CSMD3: variants seen among roughly 807,000 people sequenced by gnomAD.
The protein encoded by CSMD3 is CUB and Sushi multiple domains 3, also known as CUB and sushi domain-containing protein 3.
CSMD3 carries 177 observed loss-of-function variants against 435.2 expected under a neutral mutation model. The observed-to-expected ratio is 0.41, with a 90% confidence interval of 0.36 to 0.46. The LOEUF is 0.46. Among genes scored for constraint, CSMD3 ranks in the 20% least tolerant of loss-of-function variants. The pLI is 0.34. For missense variants in CSMD3, 4,265 were observed against 4,504.6 expected (o/e 0.95, Z 1.52); for synonymous variants, 1,656 against 1,520.5 (o/e 1.09, Z -2.07).
intron 1 of CSMD3, among the ~76,000 whole-genome samples, chr8:113,406,033 G>C (rs1380670936): frequency 6.6e-6 from 1 of 151,754 alleles, no homozygotes; most frequent in Non-Finnish European, 1.5e-5. Context: ...AAATCATAAG[G>C]ATAAGAGGTG....
At chr8:112,941,256 T>C (rs528315362) in intron 9 of CSMD3, among the ~76,000 whole-genome samples, 4 of 152,006 alleles carry the variant, frequency 2.6e-5, no homozygotes, top group African/African-American at 9.6e-5. Flanking sequence ...AAGCCAACTA[T>C]GTGGGACAAT....
chr8:112,287,308 A>T, intron 57 of CSMD3, 62 bp from the exon 58 acceptor site: 1 of 1,517,018 alleles, frequency 6.6e-7, no homozygotes, highest in Non-Finnish European at 9.2e-7. Flanking sequence ...TTTACCAGTT[A>T]GTCCAAGGGC....
At chr8:113,381,518 A>C (rs1389664660) in intron 1 of CSMD3, among the ~76,000 whole-genome samples, 3 of 151,268 alleles carry the variant, frequency 2.0e-5, no homozygotes, top group African/African-American at 4.9e-5. Flanking sequence ...CATTAGAATA[A>C]ATCTACCTCT....
At chr8:112,650,957 G>C (rs2075111728) in intron 18 of CSMD3, among the ~76,000 whole-genome samples, 1 of 128,652 alleles carries the variant, frequency 7.8e-6, no homozygotes, top group Non-Finnish European at 1.7e-5. Context: ...CTCAACCTCG[G>C]CACTGTTGAC....
intron 13 of CSMD3, among the ~76,000 whole-genome samples, chr8:112,693,717 T>C (rs1248410095): frequency 6.6e-6 from 1 of 151,982 alleles, no homozygotes; most frequent in Non-Finnish European, 1.5e-5. Context: ...TTGTTACCAT[T>C]ATTTCCTTTA....
At position 112,484,746 on chromosome 8, in the gene CSMD3, A is replaced by G. The variant is rs1437726373; in HGVS notation, c.5278+7743T>C. On this transcript the variant is annotated intron_variant, in intron 31 of 70. Coordinates refer to ENST00000297405, the MANE Select transcript of CSMD3 (RefSeq NM_198123.2). ...AAACGCAAAATCCAAAATGCTCCAA[A>G]ATCTGAAATTTTTGAGCACCAACAT... Among the ~76,000 whole-genome samples, 4 of 152,098 alleles carry G rather than the reference A, an allele frequency of 2.6e-5. No individual in the cohort carries two copies. The East Asian group carries it at 5.8e-4, about 22-fold the overall frequency.
At chr8:113,379,657 C>A (rs2094406476) in intron 1 of CSMD3, among the ~76,000 whole-genome samples, 1 of 152,128 alleles carries the variant, frequency 6.6e-6, no homozygotes, top group Admixed American at 6.5e-5. Flanking sequence ...TTCAGCTTCT[C>A]CAGCCCCCTT....
At chr8:113,299,075 A>C (rs571218413) in intron 2 of CSMD3, among the ~76,000 whole-genome samples, 1 of 152,330 alleles carries the variant, frequency 6.6e-6, no homozygotes, top group South Asian at 2.1e-4. Context: ...GCATTGAGCC[A>C]ATCAGTGCTG....
At chr8:112,734,962 T>A (rs1435660031) in intron 13 of CSMD3, among the ~76,000 whole-genome samples, 1 of 151,986 alleles carries the variant, frequency 6.6e-6, no homozygotes, top group East Asian at 1.9e-4. Flanking sequence ...TTTGTAACAA[T>A]AGAAAGACGT....
chr8:113,176,963 C>G (rs1000688757), intron 3 of CSMD3, among the ~76,000 whole-genome samples: 5 of 150,698 alleles, frequency 3.3e-5, no homozygotes, highest in Middle Eastern at 3.5e-3. Context: ...TTCAATATAT[C>G]AAAATATAAA....
chr8:112,981,907 A>G (rs1023692142), intron 6 of CSMD3, among the ~76,000 whole-genome samples: 1 of 151,796 alleles, frequency 6.6e-6, no homozygotes, highest in Non-Finnish European at 1.5e-5. Context: ...TAAATGTATG[A>G]ATGTTATATT....
intron 1 of CSMD3, among the ~76,000 whole-genome samples, chr8:113,403,392 T>C (rs945468660): frequency 6.6e-6 from 1 of 151,262 alleles, no homozygotes; most frequent in Non-Finnish European, 1.5e-5. Flanking sequence ...GACTTTTGGA[T>C]GCAAATAAAA....
At chr8:113,262,625 C>T (rs77079349) in intron 3 of CSMD3, among the ~76,000 whole-genome samples, 285 of 152,138 alleles carry the variant, frequency 1.9e-3, no homozygotes, top group South Asian at 9.5e-3. Context: ...TATTCCTGCT[C>T]TGCTGAAAGA....
chr8:113,038,573 C>A (rs1564240781), intron 5 of CSMD3, among the ~76,000 whole-genome samples: 1 of 152,146 alleles, frequency 6.6e-6, no homozygotes, highest in Non-Finnish European at 1.5e-5. Context: ...CTAGCAAATT[C>A]TCCCATCTTC....
At chr8:112,515,629 G>A (rs1264133638) in intron 28 of CSMD3, among the ~76,000 whole-genome samples, 4 of 152,020 alleles carry the variant, frequency 2.6e-5, no homozygotes, top group Admixed American at 2.0e-4. Context: ...TAGTGTAATG[G>A]GAGATACAGC....
intron 10 of CSMD3, among the ~76,000 whole-genome samples, chr8:112,864,514 A>G (rs1158043868): frequency 2.0e-5 from 3 of 152,052 alleles, no homozygotes; most frequent in Admixed American, 6.6e-5. Context: ...GCCTCCGGAA[A>G]TGCTGGGATT....
intron 4 of CSMD3, among the ~76,000 whole-genome samples, chr8:113,172,940 A>G (rs974854533): frequency 1.3e-5 from 2 of 152,190 alleles, no homozygotes; most frequent in Non-Finnish European, 2.9e-5. Context: ...CTGTATTTTG[A>G]ACCTTTGTCC....
At chr8:113,245,943 A>C (rs1195614394) in intron 3 of CSMD3, among the ~76,000 whole-genome samples, 1 of 151,974 alleles carries the variant, frequency 6.6e-6, no homozygotes, top group East Asian at 1.9e-4. Context: ...ATGGCATACC[A>C]CCACTTTTAA....
intron 15 of CSMD3, 63 bp downstream of exon 15, chr8:112,685,343 C>A (rs1319166018): frequency 1.5e-6 from 2 of 1,369,498 alleles, no homozygotes; most frequent in South Asian, 1.2e-5. Context: ...TATACATGAT[C>A]ACTTTTCAAC....
Sources: gnomAD v4.1 joint callset for allele counts (sites outside exome capture counted in the v4.1 genomes callset) on GRCh38, gnomAD v4.1.1 for gene constraint, MANE v1.5 for transcripts, NCBI Gene and HGNC (gene_info 2026-07-23, HGNC 2026-07-21) for gene names.